KATNAL1: variants seen among roughly 807,000 people sequenced by gnomAD.
KATNAL1 encodes the protein katanin catalytic subunit A1 like 1, also known as katanin p60 ATPase-containing subunit A-like 1.
In KATNAL1, 32 loss-of-function variants were observed where a neutral mutation model predicts 55.2. The observed-to-expected ratio is 0.58, with a 90% confidence interval of 0.44 to 0.78. KATNAL1 has a LOEUF of 0.78. Ranked by LOEUF, KATNAL1 falls within the 30% of genes least tolerant of loss-of-function variation. The probability of loss-of-function intolerance (pLI) is 0.00; values close to 1 mark genes in which losing one functional copy is unlikely to be tolerated. For missense variants in KATNAL1, 466 were observed against 600.9 expected (o/e 0.78, Z 2.35); for synonymous variants, 193 against 193.6 (o/e 1.00, Z 0.02).
At position 30,230,493 on chromosome 13, in the gene KATNAL1, C is replaced by T; in HGVS notation, c.987G>A (p.Lys329=). 4 of 1,613,482 alleles carry T rather than the reference C, an allele frequency of 2.5e-6. No homozygotes were observed. Among genetic ancestry groups the T allele is most frequent in the Non-Finnish European group, 3.4e-6 (4 of 1,179,782 alleles). The change falls in exon 8 of 11, where the codon AAG becomes AAA. Residue 329 remains lysine, a synonymous_variant. Coordinates refer to ENST00000380615, the MANE Select transcript of KATNAL1 (RefSeq NM_032116.5). ...CATCCATCTGAATGAGCAGTTCAGA[C>T]TTGACCCTGCGACTTGCCTCATGTT... ...SDEHEASRRV[K]SELLIQMDGV...
At chr13:30,255,247 T>C (rs530560299) in intron 4 of KATNAL1, among the ~76,000 whole-genome samples, 200 bp downstream of exon 4, 4 of 152,192 alleles carry the variant, frequency 2.6e-5, no homozygotes, top group South Asian at 2.1e-4. Flanking sequence ...TATGTGTATA[T>C]AGATATTTAC....
rs1881761543 is a variant in KATNAL1, at chr13:30,286,049, GAT to G, written c.-14-2260_-14-2259del. 1.3e-5 allele frequency among the ~76,000 whole-genome samples: 2 copies of G among 152,208 alleles called. 1 individual carries two copies. The highest frequency in any genetic ancestry group is 4.1e-4 in the South Asian group (2 of 4,834). ...GCATACAGTTTTAAGCATTCACAAA[GAT>G]ATGGTTTGGAATTGGAATTTATGTT... On this transcript the variant is annotated intron_variant, in intron 1 of 10. Coordinates refer to ENST00000380615, the MANE Select transcript of KATNAL1 (RefSeq NM_032116.5).
chr13:30,271,890 A>AAC (rs1880401035), intron 3 of KATNAL1, among the ~76,000 whole-genome samples: 1 of 151,258 alleles, frequency 6.6e-6, no homozygotes. Flanking sequence ...AAAAAAAAAA[A>AAC]AAAAAAAAAA....
At chr13:30,279,101 A>T (rs1881078440) in intron 3 of KATNAL1, among the ~76,000 whole-genome samples, 1 of 152,206 alleles carries the variant, frequency 6.6e-6, no homozygotes, top group African/African-American at 2.4e-5. Context: ...TCTACGGTGC[A>T]ATACTCTGGC....
At chr13:30,263,454 T>G (rs989930919) in intron 3 of KATNAL1, among the ~76,000 whole-genome samples, 126 of 151,230 alleles carry the variant, frequency 8.3e-4, no homozygotes, top group Non-Finnish European at 1.6e-3. Context: ...ACGACATGAT[T>G]GTATATCTAG....
rs919950724 is a variant in KATNAL1 at position 30,204,633 on chromosome 13, C to T, written c.*3907G>A. 1 of 152,204 alleles carries T rather than the reference C, an allele frequency of 6.6e-6. No homozygotes were observed. Among genetic ancestry groups the T allele is most frequent in the African/African-American group, 2.4e-5 (1 of 41,452 alleles). 9.4% of individuals were successfully genotyped at this position (152,204 alleles called of 1,614,324 possible). A position where few individuals can be genotyped will look rare whatever the true frequency, so the allele number is the denominator to read the frequency against. On this transcript the variant is annotated 3_prime_UTR_variant, in exon 11 of 11. Coordinates refer to ENST00000380615, the MANE Select transcript of KATNAL1 (RefSeq NM_032116.5). Reference sequence around the variant, plus strand: ...ACAAAGTCAAAGAATGACAATCATACTGTAAATTTGGGTTGTACACACACA... The same window carrying T: ...ACAAAGTCAAAGAATGACAATCATATTGTAAATTTGGGTTGTACACACACA...
chr13:30,255,356 C>T, intron 4 of KATNAL1, 91 bp downstream of exon 4: 1 of 1,065,988 alleles, frequency 9.4e-7, no homozygotes, highest in Non-Finnish European at 1.3e-6. Context: ...CACGTCAAAA[C>T]CAGGGTATCT....
rs137861375 is a variant in KATNAL1 at position 30,283,974 on chromosome 13, C to G, written c.-14-183G>C. 1.7e-3 allele frequency among the ~76,000 whole-genome samples: 264 copies of G among 151,406 alleles called. 1 individual carries two copies. Among genetic ancestry groups the G allele is most frequent in the African/African-American group, 5.9e-3 (243 of 41,194 alleles). ...CACTGCAACCTCCACCTCCCAGGTT[C>G]AAGTGATTCCTGAGTAGCTGCAACT... On this transcript the variant is annotated intron_variant, in intron 1 of 10. Coordinates refer to ENST00000380615, the MANE Select transcript of KATNAL1 (RefSeq NM_032116.5).
At chr13:30,303,959 A>T (rs552348220) in intron 1 of KATNAL1, among the ~76,000 whole-genome samples, 1 of 152,344 alleles carries the variant, frequency 6.6e-6, no homozygotes, top group East Asian at 1.9e-4. Flanking sequence ...GTCCTGCCAC[A>T]CTGTTAGTAA....
At chr13:30,255,983 C>G (rs1015550091) in intron 3 of KATNAL1, among the ~76,000 whole-genome samples, 2 of 151,794 alleles carry the variant, frequency 1.3e-5, no homozygotes, top group Admixed American at 1.3e-4. Context: ...GAATAAGTAA[C>G]TTTTTTTTAG....
intron 1 of KATNAL1, among the ~76,000 whole-genome samples, chr13:30,290,370 C>T (rs1720082385): frequency 6.6e-6 from 1 of 151,694 alleles, no homozygotes; most frequent in South Asian, 2.1e-4. Flanking sequence ...TGAAGGAGGG[C>T]TATCACTACA....
chr13:30,213,909 G>A (rs1158823821), intron 9 of KATNAL1, among the ~76,000 whole-genome samples: 2 of 152,034 alleles, frequency 1.3e-5, no homozygotes, highest in Non-Finnish European at 2.9e-5. Context: ...ACATAGTGTT[G>A]GAAGTTCTGG....
At chr13:30,229,940 A>C (rs997916312) in intron 8 of KATNAL1, among the ~76,000 whole-genome samples, 3 of 120,834 alleles carry the variant, frequency 2.5e-5, no homozygotes, top group African/African-American at 8.6e-5. Context: ...TAAAAAAAAG[A>C]AGAGGGGCTT....
At chr13:30,222,026 G>A (rs571467282) in intron 9 of KATNAL1, among the ~76,000 whole-genome samples, 8 of 152,150 alleles carry the variant, frequency 5.3e-5, no homozygotes, top group East Asian at 3.9e-4. Context: ...CCTCCAGCCC[G>A]GGCAACAAGA....
chr13:30,231,183 G>A (rs1839664654), intron 7 of KATNAL1, 131 bp downstream of exon 7: 1 of 597,068 alleles, frequency 1.7e-6, no homozygotes, highest in Non-Finnish European at 2.7e-6. Context: ...ATTCTCATCA[G>A]TGTGTCAAGA....
intron 6 of KATNAL1, among the ~76,000 whole-genome samples, chr13:30,231,884 G>A (rs563953952): frequency 1.3e-5 from 2 of 152,028 alleles, no homozygotes; most frequent in South Asian, 2.1e-4. Context: ...CCTCTATAAG[G>A]GACAGAACCT....
intron 3 of KATNAL1, among the ~76,000 whole-genome samples, chr13:30,272,939 C>CTA (rs1441043168): frequency 2.6e-5 from 4 of 152,208 alleles, no homozygotes; most frequent in Non-Finnish European, 5.9e-5. Flanking sequence ...GCGCTCACCT[C>CTA]TATATCTGCC....
chr13:30,284,712 C>A (rs1881659948), intron 1 of KATNAL1, among the ~76,000 whole-genome samples: 1 of 152,140 alleles, frequency 6.6e-6, no homozygotes, highest in African/African-American at 2.4e-5. Context: ...TTTGGCCATG[C>A]AAATAACTAT....
chr13:30,252,861 CTCAGCCT>C (rs1230928621), intron 4 of KATNAL1, among the ~76,000 whole-genome samples: 2 of 152,108 alleles, frequency 1.3e-5, no homozygotes, highest in East Asian at 3.9e-4. Context: ...ATTCTCATGC[CTCAGCCT>C]CCCAAGTAGC....
Sources: allele counts gnomAD v4.1 joint callset (sites outside exome capture counted in the v4.1 genomes callset), GRCh38; gene constraint gnomAD v4.1.1; transcripts MANE v1.5; gene names NCBI Gene and HGNC (gene_info 2026-07-23, HGNC 2026-07-21).